The following GPC6 variants were observed in gnomAD, a reference collection of about 807,000 sequenced individuals.
GPC6 encodes glypican 6.
In GPC6, 14 loss-of-function variants were observed where a neutral mutation model predicts 55.2. The ratio of observed to expected loss-of-function variants is 0.25; its 90% CI spans 0.17 to 0.40. The LOEUF (loss-of-function observed/expected upper bound fraction) is 0.40, where lower values mean the gene tolerates loss of function less well. Ranked by LOEUF, GPC6 falls within the 10% of genes least tolerant of loss-of-function variation. GPC6 has a pLI of 1.00. For synonymous variants in GPC6, 278 were observed against 259.6 expected (o/e 1.07, Z -0.68); for missense variants, 641 against 708.5 (o/e 0.90, Z 1.08).
chr13:93,883,620 T>C (rs1200307148), intron 3 of GPC6, among the ~76,000 whole-genome samples: 1 of 152,174 alleles, frequency 6.6e-6, no homozygotes, highest in Non-Finnish European at 1.5e-5. Flanking sequence ...AATTGTCTAT[T>C]CATGTCCTTA....
At chr13:94,134,697 C>T (rs1361276073) in intron 4 of GPC6, among the ~76,000 whole-genome samples, 1 of 151,964 alleles carries the variant, frequency 6.6e-6, no homozygotes, top group East Asian at 1.9e-4. Flanking sequence ...TTAGCAGAGA[C>T]CTAAGTATTG....
chr13:94,223,665 G>T lies in GPC6; in HGVS notation c.878-62684G>T, dbSNP rs57175636. On this transcript the variant is annotated intron_variant, in intron 4 of 8. Transcript: ENST00000377047. ...ACACATTATCATATAAATCCTCCAC[G>T]CACTACAACACAGTTACTGTCATTA... is the stretch of plus-strand genomic sequence containing the variant. Among the ~76,000 whole-genome samples, 143 of 152,114 alleles carry T rather than the reference G, an allele frequency of 9.4e-4. 2 individuals carry two copies. In the East Asian group the frequency reaches 0.023, roughly 24 times the overall value.
At chr13:93,867,172 G>T (rs926611647) in intron 3 of GPC6, among the ~76,000 whole-genome samples, 2 of 151,646 alleles carry the variant, frequency 1.3e-5, no homozygotes, top group Non-Finnish European at 2.9e-5. Context: ...CATGAAACAA[G>T]GTTGCTTATA....
Position 94,232,536 on chromosome 13 carries a change from T to G in GPC6, c.878-53813T>G, listed in dbSNP as rs956386772. Among the ~76,000 whole-genome samples the G allele has an allele frequency of 2.1e-4, 32 of 151,252 alleles. 1 individual carries two copies. The East Asian group carries it at 4.3e-3, about 21-fold the overall frequency. On this transcript the variant is annotated intron_variant, in intron 4 of 8. Transcript: ENST00000377047. ...CCCCCTTCAGGAGGTGGGTTTTTTT[T>G]GGGGGGGTGGGGCAGGGTGTCAAAG... is the stretch of plus-strand genomic sequence containing the variant.
intron 6 of GPC6, among the ~76,000 whole-genome samples, chr13:94,347,077 AT>A (rs1295662922): frequency 1.3e-5 from 2 of 152,012 alleles, no homozygotes; most frequent in Admixed American, 6.6e-5. Flanking sequence ...TTTACATGTC[AT>A]TTTGTTCGTT....
intron 2 of GPC6, among the ~76,000 whole-genome samples, chr13:93,747,713 G>A (rs78001041): frequency 0.036 from 5,517 of 152,230 alleles, 310 homozygotes; most frequent in East Asian, 0.28. Context: ...GTGGGCTAAT[G>A]TAAGCATTCT....
intron 4 of GPC6, among the ~76,000 whole-genome samples, chr13:94,105,886 A>G (rs1054991756): frequency 6.6e-6 from 1 of 152,152 alleles, no homozygotes; most frequent in Admixed American, 6.6e-5. Context: ...GGGGCCAGGG[A>G]TGCTGCTAAG....
chr13:93,945,157 A>G (rs931792408), intron 3 of GPC6, among the ~76,000 whole-genome samples: 4 of 152,226 alleles, frequency 2.6e-5, no homozygotes, highest in African/African-American at 9.6e-5. Context: ...AAGTATGCAT[A>G]TATGTCTAAA....
chr13:93,562,525 T>TA (rs1346452671), intron 2 of GPC6, among the ~76,000 whole-genome samples: 2 of 152,192 alleles, frequency 1.3e-5, no homozygotes, highest in African/African-American at 2.4e-5. Context: ...CATGGAGAGT[T>TA]ATTGTGAATT....
chr13:94,137,579 G>T (rs1887227248), intron 4 of GPC6, among the ~76,000 whole-genome samples: 1 of 152,116 alleles, frequency 6.6e-6, no homozygotes, highest in African/African-American at 2.4e-5. Context: ...TGTTGTTGTT[G>T]TTAACAATTA....
chr13:93,220,530 C>G, the GPC6 span, among the ~76,000 whole-genome samples: 3 of 152,196 alleles, frequency 2.0e-5, no homozygotes, highest in Non-Finnish European at 4.4e-5. Flanking sequence ...ACCTTTGTCA[C>G]TCTTACATTT....
chr13:94,247,984 A>C (rs912102542), intron 4 of GPC6, among the ~76,000 whole-genome samples: 2 of 152,000 alleles, frequency 1.3e-5, no homozygotes, highest in Non-Finnish European at 2.9e-5. Context: ...CTACAGGTAC[A>C]TGCCACTGTG....
chr13:93,849,287 GCCTGAATA>G (rs1011231164), intron 3 of GPC6, among the ~76,000 whole-genome samples: 5 of 151,990 alleles, frequency 3.3e-5, no homozygotes, highest in Non-Finnish European at 5.9e-5. Flanking sequence ...ATAGTGCCCT[GCCTGAATA>G]CCTGATGGTT....
chr13:93,570,174 C>A (rs976375649), intron 2 of GPC6, among the ~76,000 whole-genome samples: 2 of 152,102 alleles, frequency 1.3e-5, no homozygotes, highest in Non-Finnish European at 2.9e-5. Flanking sequence ...AACCATATAT[C>A]CTTGCAATAG....
At chr13:93,987,361 G>C (rs765252261) in intron 3 of GPC6, among the ~76,000 whole-genome samples, 2 of 152,088 alleles carry the variant, frequency 1.3e-5, no homozygotes, top group Non-Finnish European at 2.9e-5. Flanking sequence ...AAATTTTACA[G>C]TAAGCCTCTT....
At chr13:93,558,216 G>A (rs2139454462) in intron 2 of GPC6, among the ~76,000 whole-genome samples, 1 of 152,278 alleles carries the variant, frequency 6.6e-6, no homozygotes, top group African/African-American at 2.4e-5. Flanking sequence ...AAAAAGCCTA[G>A]CATAAGTCTA....
intron 6 of GPC6, among the ~76,000 whole-genome samples, chr13:94,353,291 C>G (rs1206553963): frequency 6.6e-6 from 1 of 152,044 alleles, no homozygotes; most frequent in Non-Finnish European, 1.5e-5. Context: ...CATTTACTGC[C>G]TGGAAACCCA....
At chr13:94,290,429 T>TA (rs532958421) in intron 5 of GPC6, among the ~76,000 whole-genome samples, 5,198 of 98,954 alleles carry the variant, frequency 0.053, 192 homozygotes, top group East Asian at 0.25. Flanking sequence ...TCTAGAAAGG[T>TA]AAAAAAAAAA....
At chr13:93,509,344 C>T (rs1174670037) in intron 1 of GPC6, among the ~76,000 whole-genome samples, 1 of 152,102 alleles carries the variant, frequency 6.6e-6, no homozygotes, top group East Asian at 1.9e-4. Flanking sequence ...AGTAGTTATG[C>T]CTTAATAGTA....
Sources: allele counts gnomAD v4.1 joint callset (sites outside exome capture counted in the v4.1 genomes callset), GRCh38; gene constraint gnomAD v4.1.1; transcripts MANE v1.5; gene names NCBI Gene and HGNC (gene_info 2026-07-23, HGNC 2026-07-21).